The following SMOC2 variants were observed in gnomAD, a reference collection of about 807,000 sequenced individuals.
The protein encoded by SMOC2 is SPARC-related modular calcium-binding protein 2.
SMOC2 carries 39 observed loss-of-function variants against 61.4 expected under a neutral mutation model. The observed-to-expected ratio is 0.64, with a 90% CI of 0.49 to 0.83. The LOEUF (loss-of-function observed/expected upper bound fraction) is 0.83, where lower values mean the gene tolerates loss of function less well. Ranked by LOEUF, SMOC2 falls within the 40% of genes least tolerant of loss-of-function variation. SMOC2 has a pLI of 0.00. For missense variants in SMOC2, 556 were observed against 592.9 expected, an observed-to-expected ratio of 0.94 and a Z score of 0.65; for synonymous variants, 247 against 239.9, an observed-to-expected ratio of 1.03 and a Z score of -0.27.
At chr6:168,457,919 C>T (rs1781625409) in intron 1 of SMOC2, among the ~76,000 whole-genome samples, 1 of 152,012 alleles carries the variant, frequency 6.6e-6, no homozygotes, top group African/African-American at 2.4e-5. Context: ...GCCTGTGTGC[C>T]ATCATCTTCT....
chr6:168,543,006 C>G (rs1783906580), intron 4 of SMOC2, among the ~76,000 whole-genome samples: 1 of 152,124 alleles, frequency 6.6e-6, no homozygotes, highest in Admixed American at 6.5e-5. Context: ...ATTTTTATTT[C>G]TCGAGTTGGT....
At chr6:168,630,289 C>T (rs898805997) in intron 9 of SMOC2, among the ~76,000 whole-genome samples, 2 of 152,148 alleles carry the variant, frequency 1.3e-5, no homozygotes, top group Admixed American at 6.5e-5. Flanking sequence ...GGCAGAAGAA[C>T]GTGGATTGTG....
intron 1 of SMOC2, among the ~76,000 whole-genome samples, chr6:168,467,276 A>C (rs1360106761): frequency 6.7e-6 from 1 of 149,640 alleles, no homozygotes; most frequent in Non-Finnish European, 1.5e-5. Context: ...TGGGCTCAAC[A>C]CTTGGGGGAC....
At chr6:168,588,615 C>T (rs936783583) in intron 7 of SMOC2, among the ~76,000 whole-genome samples, 1 of 152,202 alleles carries the variant, frequency 6.6e-6, no homozygotes, top group African/African-American at 2.4e-5. Flanking sequence ...TGATTCCCAG[C>T]ATTTACATTA....
chr6:168,495,687 C>G (rs770654432), intron 1 of SMOC2, among the ~76,000 whole-genome samples: 3 of 152,126 alleles, frequency 2.0e-5, no homozygotes, highest in Non-Finnish European at 2.9e-5. Context: ...CTGCCTGCCC[C>G]CTTTGGCCAC....
intron 9 of SMOC2, among the ~76,000 whole-genome samples, chr6:168,628,438 C>T (rs772012051): frequency 1.1e-4 from 16 of 152,110 alleles, no homozygotes; most frequent in Non-Finnish European, 1.6e-4. Flanking sequence ...TTTGCTGTTA[C>T]AGTGATGGTT....
chr6:168,612,671 A>G (rs893601185), intron 9 of SMOC2, among the ~76,000 whole-genome samples: 1 of 152,164 alleles, frequency 6.6e-6, no homozygotes, highest in Non-Finnish European at 1.5e-5. Context: ...AGAGGGGAAA[A>G]AGCCAGAACA....
Position 168,601,279 on chromosome 6 carries a change from A to G in SMOC2, c.824+2275A>G, listed in dbSNP as rs375671303. Among the ~76,000 whole-genome samples, 1,521 of 152,278 alleles carry G rather than the reference A, an allele frequency of 1.0e-2. 24 individuals carry two copies. Among genetic ancestry groups the G allele is most frequent in the African/African-American group, 0.033 (1,362 of 41,548 alleles). ...GCTTTGGGGAGTGTGATGACGCTGG[A>G]GCGTGAGTGCTGCCCCTTCCTGGCC... On this transcript the variant is annotated intron_variant, in intron 8 of 12. Transcript: ENST00000356284.
intron 9 of SMOC2, among the ~76,000 whole-genome samples, chr6:168,636,849 T>TGCCTCCCTCCTCCCGCCTCCCTCCTCCC (rs1185071842): frequency 2.4e-5 from 3 of 125,272 alleles, no homozygotes; most frequent in East Asian, 2.7e-4. Flanking sequence ...ATATGCCTCC[T>TGCCTCCCTCCTCCCGCCTCCCTCCTCCC]GCCTCCCTCC....
intron 9 of SMOC2, among the ~76,000 whole-genome samples, chr6:168,629,104 G>A (rs1211195999): frequency 1.3e-5 from 2 of 152,260 alleles, no homozygotes; most frequent in Non-Finnish European, 2.9e-5. Flanking sequence ...TCCGAGAGGA[G>A]GCTTCGCAGT....
chr6:168,583,170 A>C lies in SMOC2; in HGVS notation c.638-15648A>C, dbSNP rs984470175. On this transcript the variant is annotated intron_variant, in intron 7 of 12. Transcript: ENST00000356284. ...ATTCAAAAAATACAGGTGGAAGGAAAAAAACTAAATAACCTGCATCCAGGC... is the reference window on the plus strand; with the variant it reads ...ATTCAAAAAATACAGGTGGAAGGAACAAAACTAAATAACCTGCATCCAGGC... 3.3e-5 allele frequency among the ~76,000 whole-genome samples: 5 copies of C among 152,262 alleles called. 1 individual carries two copies. The highest frequency in any genetic ancestry group is 1.2e-4 in the African/African-American group (5 of 41,470).
intron 2 of SMOC2, among the ~76,000 whole-genome samples, chr6:168,515,501 G>A (rs1783108536): frequency 6.6e-6 from 1 of 152,170 alleles, no homozygotes; most frequent in South Asian, 2.1e-4. Context: ...CCTGCTGGGG[G>A]CTGCCTTTGA....
chr6:168,496,975 G>A (rs1454197020), intron 1 of SMOC2, among the ~76,000 whole-genome samples: 1 of 152,232 alleles, frequency 6.6e-6, no homozygotes, highest in East Asian at 1.9e-4. Context: ...CCAGGCGAGG[G>A]GAAGATGCGG....
intron 1 of SMOC2, among the ~76,000 whole-genome samples, chr6:168,459,331 G>A (rs1189676013): frequency 2.0e-5 from 3 of 152,208 alleles, no homozygotes; most frequent in African/African-American, 7.2e-5. Context: ...TGGGTCCCTG[G>A]TGGGGAATCT....
chr6:168,536,739 G>T (rs937529367), intron 4 of SMOC2, among the ~76,000 whole-genome samples: 1 of 152,150 alleles, frequency 6.6e-6, no homozygotes, highest in Non-Finnish European at 1.5e-5. Context: ...TGGGGGTACT[G>T]TGGACCTGGG....
At chr6:168,661,671 CTT>C (rs1787513078) in intron 11 of SMOC2, among the ~76,000 whole-genome samples, 1 of 152,136 alleles carries the variant, frequency 6.6e-6, no homozygotes, top group Non-Finnish European at 1.5e-5. Context: ...CTTTTTATAA[CTT>C]TAATCTACAG....
chr6:168,512,093 A>G (rs1398169347), intron 2 of SMOC2, among the ~76,000 whole-genome samples: 1 of 152,068 alleles, frequency 6.6e-6, no homozygotes, highest in Non-Finnish European at 1.5e-5. Flanking sequence ...TGGGGGAGTC[A>G]TGAAGACCCC....
chr6:168,559,817 C>T (rs1213555975), intron 7 of SMOC2, among the ~76,000 whole-genome samples: 2 of 152,192 alleles, frequency 1.3e-5, no homozygotes, highest in Non-Finnish European at 2.9e-5. Flanking sequence ...ACCAGTCCAT[C>T]CTCCTTTGTG....
chr6:168,661,258 GT>G (rs967159081), intron 11 of SMOC2, among the ~76,000 whole-genome samples: 2 of 152,012 alleles, frequency 1.3e-5, no homozygotes, highest in African/African-American at 4.8e-5. Flanking sequence ...CTGTTGCTAA[GT>G]TTTTTTTGTT....
Sources: gnomAD v4.1 joint callset for allele counts (sites outside exome capture counted in the v4.1 genomes callset) on GRCh38, gnomAD v4.1.1 for gene constraint, MANE v1.5 for transcripts, NCBI Gene and HGNC (gene_info 2026-07-23, HGNC 2026-07-21) for gene names.